PDE11A: variants seen among roughly 807,000 people sequenced by gnomAD.
PDE11A encodes phosphodiesterase 11A.
In PDE11A, 100 loss-of-function variants were observed where a neutral mutation model predicts 100.5. That is an observed-to-expected ratio of 1.00 (90% CI 0.85 to 1.18). PDE11A has a LOEUF of 1.18. Among genes scored for constraint, PDE11A ranks in the 50% most tolerant of loss-of-function variants. The pLI is 0.00. For missense variants in PDE11A, 1,141 were observed against 1,152.6 expected, an observed-to-expected ratio of 0.99 and a Z score of 0.15; for synonymous variants, 381 against 420.8, an observed-to-expected ratio of 0.91 and a Z score of 1.16.
intron 15 of PDE11A, among the ~76,000 whole-genome samples, chr2:177,690,615 C>T (rs1267374522): frequency 6.6e-6 from 1 of 152,170 alleles, no homozygotes; most frequent in African/African-American, 2.4e-5. Flanking sequence ...CAGATGCTTT[C>T]GAGAAATGCT....
In PDE11A at chr2:177,629,384, G is replaced by T. The variant is rs749306397; in HGVS notation, c.*23C>A. The stretch of plus-strand genomic sequence containing the variant: ...TGGCCCTTCAGGCTGTAGTCATTTT[G>T]CAGCTGCAGCTGACCTGGAGGTTTA... On this transcript the variant is annotated 3_prime_UTR_variant, in exon 20 of 20. Transcript: ENST00000286063. 18 of 1,608,988 alleles carry T rather than the reference G, an allele frequency of 1.1e-5. No homozygotes were observed. The Admixed American group carries it at 3.0e-4, about 27-fold the overall frequency.
intron 2 of PDE11A, among the ~76,000 whole-genome samples, chr2:178,092,267 T>G (rs1204292243): frequency 6.6e-6 from 1 of 152,168 alleles, no homozygotes; most frequent in African/African-American, 2.4e-5. Flanking sequence ...ACAACAGATT[T>G]TAGTTTCCTT....
At chr2:177,689,562 A>C (rs2081012422) in intron 15 of PDE11A, among the ~76,000 whole-genome samples, 1 of 152,256 alleles carries the variant, frequency 6.6e-6, no homozygotes, top group African/African-American at 2.4e-5. Context: ...TTCTTTGCAT[A>C]CAAACATTGA....
At chr2:177,656,229 T>C (rs2080381284) in intron 19 of PDE11A, among the ~76,000 whole-genome samples, 1 of 152,236 alleles carries the variant, frequency 6.6e-6, no homozygotes, top group Admixed American at 6.5e-5. Context: ...CATAAGATTA[T>C]AATATCATAT....
chr2:177,791,535 A>T (rs970068050), intron 9 of PDE11A, among the ~76,000 whole-genome samples: 1 of 15,170 alleles, frequency 6.6e-5, no homozygotes, highest in African/African-American at 1.4e-4. Context: ...CTTAAAGTAT[A>T]AAAAAAAAAA....
At chr2:177,963,563 A>G (rs2085661575) in intron 2 of PDE11A, among the ~76,000 whole-genome samples, 1 of 152,218 alleles carries the variant, frequency 6.6e-6, no homozygotes, top group African/African-American at 2.4e-5. Context: ...GCCACAGTTC[A>G]GCTTCCCAAG....
intron 2 of PDE11A, among the ~76,000 whole-genome samples, chr2:177,959,324 G>C (rs145492777): frequency 2.8e-4 from 42 of 152,248 alleles, no homozygotes; most frequent in African/African-American, 1.0e-3. Context: ...CGGAAGCCAG[G>C]GCTGAGAATT....
rs1198034493 is a variant in PDE11A at position 177,629,050 on chromosome 2, C to T, written c.*357G>A. The stretch of plus-strand genomic sequence containing the variant: ...AAAAGCCCTATACAAAACGAAGCAG[C>T]GCTAATGACGCTTTTACTGTTCAGT... On this transcript the variant is annotated 3_prime_UTR_variant, in exon 20 of 20. Coordinates refer to ENST00000286063, the MANE Select transcript of PDE11A (RefSeq NM_016953.4). The T allele has an allele frequency of 6.2e-6, 2 of 321,576 alleles. No homozygotes were observed. Among genetic ancestry groups the T allele is most frequent in the Admixed American group, 4.5e-5 (1 of 22,394 alleles). The allele number at this position is 321,576 out of a possible 1,614,324, so 19.9% of individuals were successfully genotyped here.
intron 10 of PDE11A, among the ~76,000 whole-genome samples, chr2:177,748,061 T>C (rs1438049): frequency 0.77 from 117,432 of 152,024 alleles, 46,797 homozygotes; most frequent in East Asian, 0.99. Flanking sequence ...TTTCTTAGAT[T>C]GGACTCTAAT....
chr2:177,785,147 T>C (rs1304356914), intron 9 of PDE11A, among the ~76,000 whole-genome samples: 1 of 152,206 alleles, frequency 6.6e-6, no homozygotes, highest in African/African-American at 2.4e-5. Context: ...GGCCTAATTA[T>C]ATAACCTATG....
intron 2 of PDE11A, among the ~76,000 whole-genome samples, chr2:178,103,606 A>T (rs535165009): frequency 2.6e-5 from 4 of 152,098 alleles, no homozygotes; most frequent in African/African-American, 9.6e-5. Context: ...AACCTATAAG[A>T]TATGCTAGGC....
chr2:178,012,527 C>G (rs878957447), intron 2 of PDE11A, among the ~76,000 whole-genome samples: 7 of 152,092 alleles, frequency 4.6e-5, no homozygotes, highest in African/African-American at 1.4e-4. Flanking sequence ...GCTGTGCATC[C>G]AAGCAGCTGC....
intron 2 of PDE11A, among the ~76,000 whole-genome samples, chr2:178,001,578 T>C (rs2086145933): frequency 6.6e-6 from 1 of 152,180 alleles, no homozygotes; most frequent in East Asian, 1.9e-4. Context: ...TATAATTTTC[T>C]AGGTCTCTAG....
intron 2 of PDE11A, among the ~76,000 whole-genome samples, chr2:177,936,686 C>T (rs141461459): frequency 0.036 from 5,445 of 152,148 alleles, 172 homozygotes; most frequent in Non-Finnish European, 0.05. Flanking sequence ...TTTGGTAGGC[C>T]GAAGTGTGTG....
At chr2:177,772,359 C>T (rs992974519) in intron 9 of PDE11A, among the ~76,000 whole-genome samples, 2 of 152,076 alleles carry the variant, frequency 1.3e-5, no homozygotes, top group Non-Finnish European at 2.9e-5. Flanking sequence ...TAATGTGGCA[C>T]ACAAATAGCC....
At chr2:177,982,017 A>G (rs1214463554) in intron 2 of PDE11A, among the ~76,000 whole-genome samples, 1 of 150,954 alleles carries the variant, frequency 6.6e-6, no homozygotes, top group Non-Finnish European at 1.5e-5. Flanking sequence ...TGGGCCTGCA[A>G]AAGTATATAC....
intron 1 of PDE11A, among the ~76,000 whole-genome samples, chr2:178,063,647 C>T (rs1008256730): frequency 1.3e-5 from 2 of 152,082 alleles, no homozygotes; most frequent in Non-Finnish European, 2.9e-5. Flanking sequence ...TTGTTGGGTA[C>T]CTGGCCCTGG....
At chr2:177,801,931 T>C (rs2082800924) in intron 9 of PDE11A, among the ~76,000 whole-genome samples, 1 of 151,958 alleles carries the variant, frequency 6.6e-6, no homozygotes, top group Admixed American at 6.6e-5. Flanking sequence ...ATAAGCAAGC[T>C]GCAAATTGGG....
intron 5 of PDE11A, among the ~76,000 whole-genome samples, chr2:177,841,418 T>C (rs1558966337): frequency 6.6e-6 from 1 of 152,226 alleles, no homozygotes; most frequent in Admixed American, 6.5e-5. Context: ...TCATGAGATG[T>C]TAAATGAGTA....
Sources: allele counts gnomAD v4.1 joint callset (sites outside exome capture counted in the v4.1 genomes callset), GRCh38; gene constraint gnomAD v4.1.1; transcripts MANE v1.5; gene names NCBI Gene and HGNC (gene_info 2026-07-23, HGNC 2026-07-21).